Variants in AFF2 observed in about 807,000 individuals in gnomAD.
The protein encoded by AFF2 is AF4/FMR2 family member 2.
In AFF2, 14 loss-of-function variants were observed where a neutral mutation model predicts 76.9. The ratio of observed to expected loss-of-function variants is 0.18; its 90% CI spans 0.12 to 0.28. The LOEUF (loss-of-function observed/expected upper bound fraction) is 0.28, where lower values mean the gene tolerates loss of function less well. Ranked by LOEUF, AFF2 falls within the 10% of genes least tolerant of loss-of-function variation. The probability of loss-of-function intolerance (pLI) is 1.00; values close to 1 mark genes in which losing one functional copy is unlikely to be tolerated. For synonymous variants in AFF2, 398 were observed against 366.7 expected, an observed-to-expected ratio of 1.09 and a Z score of -0.98; for missense variants, 868 against 1,001.1, an observed-to-expected ratio of 0.87 and a Z score of 1.79.
At chrX:148,989,008 G>C in intron 20 of AFF2, among the ~76,000 whole-genome samples, 2 of 112,353 alleles carry the variant, frequency 1.8e-5, no homozygotes, top group South Asian at 7.4e-4. Context: ...TGCCCATCTA[G>C]AGAGCAAGAT....
At chrX:148,984,919 TC>T (rs1557291271) in intron 19 of AFF2, among the ~76,000 whole-genome samples, 1 of 110,504 alleles carries the variant, frequency 9.0e-6, no homozygotes, top group African/African-American at 3.3e-5. Context: ...AGGGCTAGAG[TC>T]CACATCTCCT....
intron 1 of AFF2, among the ~76,000 whole-genome samples, chrX:148,528,074 C>T (rs1276724000): frequency 8.9e-6 from 1 of 112,317 alleles, no homozygotes; most frequent in Non-Finnish European, 1.9e-5. Flanking sequence ...CAGATTTCAA[C>T]TGTTTTCATA....
chrX:148,509,947 C>T (rs2052464806), intron 1 of AFF2, among the ~76,000 whole-genome samples: 1 of 111,377 alleles, frequency 9.0e-6, no homozygotes, highest in African/African-American at 3.3e-5. Flanking sequence ...CTTCCTCCGT[C>T]CCTCAAACTC....
chrX:148,786,855 A>G (rs1478511484), intron 3 of AFF2, among the ~76,000 whole-genome samples: 1 of 111,589 alleles, frequency 9.0e-6, no homozygotes, highest in African/African-American at 3.3e-5. Flanking sequence ...TGAAGAAGCA[A>G]TGGGCCTGAT....
intron 9 of AFF2, among the ~76,000 whole-genome samples, chrX:148,946,493 C>T (rs1210869655): frequency 8.9e-6 from 1 of 112,939 alleles, no homozygotes; most frequent in Non-Finnish European, 1.9e-5. Context: ...TAAAACAACA[C>T]ACATTTGTTA....
At chrX:148,540,702 G>A (rs1309544710) in intron 1 of AFF2, among the ~76,000 whole-genome samples, 3 of 110,969 alleles carry the variant, frequency 2.7e-5, no homozygotes, top group African/African-American at 9.9e-5. Flanking sequence ...GACACTTACT[G>A]GTTCCCTAGT....
intron 19 of AFF2, among the ~76,000 whole-genome samples, chrX:148,982,708 G>A (rs903356770): frequency 3.6e-5 from 4 of 110,643 alleles, no homozygotes; most frequent in Non-Finnish European, 7.5e-5. Flanking sequence ...GTTAAGAACA[G>A]ACATTCAGGA....
intron 7 of AFF2, among the ~76,000 whole-genome samples, chrX:148,862,370 T>C (rs1476597313): frequency 9.0e-6 from 1 of 111,133 alleles, no homozygotes; most frequent in African/African-American, 3.3e-5. Flanking sequence ...TCTGTGGGAA[T>C]GTGTTTTGAG....
At chrX:148,545,682 C>T (rs782514622) in intron 1 of AFF2, among the ~76,000 whole-genome samples, 5 of 110,304 alleles carry the variant, frequency 4.5e-5, no homozygotes, top group Admixed American at 9.7e-5. Context: ...TATATAGTCA[C>T]CCCAGTCCAC....
intron 8 of AFF2, among the ~76,000 whole-genome samples, chrX:148,902,469 G>C (rs782372504): frequency 2.3e-4 from 26 of 111,648 alleles, no homozygotes; most frequent in Non-Finnish European, 3.8e-4. Context: ...GAGAGAAAAG[G>C]GTTTTTTAAA....
At chrX:148,536,328 T>G (rs2052786092) in intron 1 of AFF2, among the ~76,000 whole-genome samples, 1 of 111,782 alleles carries the variant, frequency 8.9e-6, no homozygotes, top group Non-Finnish European at 1.9e-5. Context: ...TGCCTGGTTG[T>G]GGGTCCTGCA....
At chrX:148,750,578 C>T (rs2055485670) in intron 3 of AFF2, among the ~76,000 whole-genome samples, 3 of 111,370 alleles carry the variant, frequency 2.7e-5, no homozygotes, top group Admixed American at 1.9e-4. Flanking sequence ...ACTGCTGTCT[C>T]ACACTTCTAG....
At chrX:148,863,716 G>A (rs1426512343) in intron 7 of AFF2, among the ~76,000 whole-genome samples, 5 of 111,555 alleles carry the variant, frequency 4.5e-5, no homozygotes, top group Non-Finnish European at 7.5e-5. Flanking sequence ...TTGCAGGGAT[G>A]CTTTTCACTG....
At chrX:148,736,335 T>C (rs1441476259) in intron 3 of AFF2, among the ~76,000 whole-genome samples, 3 of 112,265 alleles carry the variant, frequency 2.7e-5, no homozygotes, top group Admixed American at 1.9e-4. Context: ...TGGTATCACA[T>C]TGTGCTTTTG....
At chrX:148,671,399 A>G (rs1286069915) in intron 3 of AFF2, among the ~76,000 whole-genome samples, 1 of 111,930 alleles carries the variant, frequency 8.9e-6, no homozygotes, top group Admixed American at 9.5e-5. Context: ...TTAATGAGGT[A>G]TACTGAGATG....
At chrX:148,962,020 G>A (rs1557288077) in intron 12 of AFF2, among the ~76,000 whole-genome samples, 2 of 112,428 alleles carry the variant, frequency 1.8e-5, no homozygotes, top group African/African-American at 6.5e-5. Context: ...GAAAGCACGG[G>A]AGTACTTTTA....
intron 3 of AFF2, among the ~76,000 whole-genome samples, chrX:148,706,617 G>A (rs1403388958): frequency 8.9e-6 from 1 of 112,323 alleles, no homozygotes; most frequent in Non-Finnish European, 1.9e-5. Context: ...GTGTGTTGAT[G>A]TGATAGCCCG....
intron 20 of AFF2, among the ~76,000 whole-genome samples, chrX:148,988,484 T>TA (rs1270498246): frequency 1.8e-5 from 2 of 111,952 alleles, no homozygotes; most frequent in East Asian, 5.6e-4. Context: ...ATTAAATCTG[T>TA]GAGCTGCTTC....
intron 3 of AFF2, among the ~76,000 whole-genome samples, chrX:148,804,920 G>A (rs192173115): frequency 1.2e-3 from 130 of 111,541 alleles, no homozygotes; most frequent in African/African-American, 4.2e-3. Context: ...TGGAAAACTG[G>A]GACTCCCTGG....
Sources: gnomAD v4.1 joint callset for allele counts (sites outside exome capture counted in the v4.1 genomes callset) on GRCh38, gnomAD v4.1.1 for gene constraint, MANE v1.5 for transcripts, NCBI Gene and HGNC (gene_info 2026-07-23, HGNC 2026-07-21) for gene names.